The following RMND1 variants were observed in gnomAD, a reference collection of about 807,000 sequenced individuals.
The protein encoded by RMND1 is required for meiotic nuclear division 1 homolog.
A neutral mutation model predicts 54.0 loss-of-function variants in RMND1; 41 were observed. The observed-to-expected ratio is 0.76, with a 90% CI of 0.59 to 0.98. The LOEUF (loss-of-function observed/expected upper bound fraction) is 0.98. RMND1 is among the 50% of genes least tolerant of loss of function. RMND1 has a pLI of 0.00. For missense variants in RMND1, 457 were observed against 532.0 expected (o/e 0.86, Z 1.39); for synonymous variants, 183 against 181.7 (o/e 1.01, Z -0.06).
intron 5 of RMND1, among the ~76,000 whole-genome samples, chr6:151,429,779 G>A (rs1267704135): frequency 3.3e-5 from 5 of 152,134 alleles, no homozygotes; most frequent in Non-Finnish European, 5.9e-5. Context: ...TTTCCCATGA[G>A]TAGTAAGTTC....
intron 10 of RMND1, 130 bp downstream of exon 10, chr6:151,417,149 G>T (rs1780028785): frequency 9.8e-7 from 1 of 1,017,368 alleles, no homozygotes; most frequent in Non-Finnish European, 1.4e-6. Flanking sequence ...CTGTACAGAG[G>T]ACAAGAAGGG....
chr6:151,422,691 C>A, intron 7 of RMND1, 86 bp from the exon 8 acceptor site: 1 of 545,866 alleles, frequency 1.8e-6, no homozygotes, highest in South Asian at 3.2e-5. Flanking sequence ...ATCTTCACTA[C>A]TATTTCAGTA....
At chr6:151,442,586 G>A (rs80290022) in intron 2 of RMND1, among the ~76,000 whole-genome samples, 14,945 of 152,026 alleles carry the variant, frequency 0.098, 812 homozygotes, top group Middle Eastern at 0.18. Context: ...TGGACGGAGC[G>A]AGGTGCAGTC....
chr6:151,450,529 TGG>T (rs1439869847), intron 1 of RMND1, among the ~76,000 whole-genome samples: 2 of 94,830 alleles, frequency 2.1e-5, no homozygotes, highest in African/African-American at 9.5e-5. Flanking sequence ...GGGAGGGAGG[TGG>T]GGGGTCAGCC....
intron 2 of RMND1, among the ~76,000 whole-genome samples, chr6:151,443,684 T>G (rs1582968759): frequency 6.6e-6 from 1 of 152,204 alleles, no homozygotes; most frequent in East Asian, 1.9e-4. Flanking sequence ...AAACTCCAAC[T>G]GAAGTCATTG....
chr6:151,433,988 G>A (rs1780527756), intron 3 of RMND1, among the ~76,000 whole-genome samples: 1 of 123,032 alleles, frequency 8.1e-6, no homozygotes, highest in Admixed American at 1.1e-4. Context: ...TTAGACTACA[G>A]GCATGTGCCA....
rs3734800 is a variant in RMND1 at position 151,445,417 on chromosome 6, G to C, written c.395C>G (p.Thr132Arg). 2 of 1,613,994 alleles carry C rather than the reference G, an allele frequency of 1.2e-6. No individual in the cohort carries two copies. Among genetic ancestry groups the C allele is most frequent in the East Asian group, 2.2e-5 (1 of 44,880 alleles). Residue 132 changes from threonine (T) to arginine (R), a missense_variant, in exon 2 of 12, where the codon ACG (threonine) becomes AGG (arginine). Physicochemically the swap from Thr to Arg is moderately conservative, Grantham distance 71. Coordinates refer to ENST00000444024, the MANE Select transcript of RMND1 (RefSeq NM_017909.4). ...GTCTTGTTTTGGAACAAATGTTTCC[G>C]TTGATACAGATGAGAAATGCCTCTT... Reference protein sequence around the residue: ...ILKRHFSSVSTETFVPKQDFP... With the variant: ...ILKRHFSSVSRETFVPKQDFP...
chr6:151,428,116 A>AAAAT (rs1248905072), intron 5 of RMND1, among the ~76,000 whole-genome samples: 1 of 152,144 alleles, frequency 6.6e-6, no homozygotes, highest in Admixed American at 6.6e-5. Context: ...CTATCTCAAA[A>AAAAT]AAATAAATAA....
chr6:151,443,550 A>G (rs993920161), intron 2 of RMND1, among the ~76,000 whole-genome samples: 2 of 152,116 alleles, frequency 1.3e-5, no homozygotes, highest in African/African-American at 4.8e-5. Context: ...ACCTCAAGTA[A>G]TCGCCTGCCT....
At chr6:151,438,126 C>G (rs1372843604) in intron 2 of RMND1, among the ~76,000 whole-genome samples, 1 of 152,138 alleles carries the variant, frequency 6.6e-6, no homozygotes, top group Non-Finnish European at 1.5e-5. Context: ...GGAACAGGCA[C>G]GTGCTTAAGG....
intron 6 of RMND1, 71 bp from the exon 7 acceptor site, chr6:151,423,702 C>T (rs1377159807): frequency 9.9e-7 from 1 of 1,007,374 alleles, no homozygotes; most frequent in African/African-American, 1.6e-5. Flanking sequence ...GAAAAAGACA[C>T]CATATCATCT....
At chr6:151,433,088 C>A in intron 4 of RMND1, 67 bp downstream of exon 4, 1 of 927,836 alleles carries the variant, frequency 1.1e-6, no homozygotes, top group Non-Finnish European at 1.7e-6. Flanking sequence ...TATGCCTGCA[C>A]CTTTAAAGAC....
chr6:151,449,594 C>G (rs976814460), intron 1 of RMND1, among the ~76,000 whole-genome samples: 5 of 152,116 alleles, frequency 3.3e-5, no homozygotes, highest in Non-Finnish European at 7.4e-5. Context: ...CCCAGTGAAG[C>G]CTTCCCCAAC....
intron 2 of RMND1, among the ~76,000 whole-genome samples, chr6:151,443,701 A>G (rs1342073341): frequency 1.3e-5 from 2 of 152,224 alleles, no homozygotes; most frequent in Non-Finnish European, 2.9e-5. Flanking sequence ...ATTGTCTATC[A>G]TGTTACATAA....
At chr6:151,420,327 T>G (rs1286689441) in intron 9 of RMND1, among the ~76,000 whole-genome samples, 1 of 152,150 alleles carries the variant, frequency 6.6e-6, no homozygotes, top group African/African-American at 2.4e-5. Context: ...CTATGAGAGA[T>G]ACACAGACAA....
At chr6:151,417,099 C>G in intron 10 of RMND1, 180 bp downstream of exon 10, 1 of 561,204 alleles carries the variant, frequency 1.8e-6, no homozygotes, top group Non-Finnish European at 3.0e-6. Flanking sequence ...GTCTGTAGAG[C>G]TAATATCAGA....
chr6:151,418,731 C>G (rs1478010678), intron 9 of RMND1, among the ~76,000 whole-genome samples: 1 of 152,018 alleles, frequency 6.6e-6, no homozygotes, highest in Non-Finnish European at 1.5e-5. Context: ...AACATACACA[C>G]TCTCTCTCTT....
chr6:151,449,097 G>C (rs560580120), intron 1 of RMND1, among the ~76,000 whole-genome samples: 2 of 144,502 alleles, frequency 1.4e-5, no homozygotes, highest in Non-Finnish European at 3.0e-5. Context: ...AGCCTGGCGC[G>C]GTGGCTCACG....
intron 2 of RMND1, among the ~76,000 whole-genome samples, chr6:151,441,581 G>T (rs1780776987): frequency 2.6e-5 from 4 of 152,118 alleles, no homozygotes; most frequent in Admixed American, 2.6e-4. Context: ...TGGACGGAGA[G>T]GGGCTGGAGA....
Sources: gnomAD v4.1 joint callset for allele counts (sites outside exome capture counted in the v4.1 genomes callset) on GRCh38, gnomAD v4.1.1 for gene constraint, MANE v1.5 for transcripts, NCBI Gene and HGNC (gene_info 2026-07-23, HGNC 2026-07-21) for gene names.